COL22A1: variants seen among roughly 807,000 people sequenced by gnomAD.
COL22A1 encodes the protein collagen alpha-1(XXII) chain.
COL22A1 carries 221 observed loss-of-function variants against 248.9 expected under a neutral mutation model. The ratio of observed to expected loss-of-function variants is 0.89; its 90% confidence interval spans 0.80 to 0.99. The LOEUF (loss-of-function observed/expected upper bound fraction) is 0.99. Among genes scored for constraint, COL22A1 ranks in the 50% least tolerant of loss-of-function variants. The pLI is 0.00. For synonymous variants in COL22A1, 891 were observed against 793.4 expected (o/e 1.12, Z -2.07); for missense variants, 2,240 against 2,179.0 (o/e 1.03, Z -0.56).
At chr8:138,805,223 T>TGTGTGAGATG (rs1272240367) in intron 10 of COL22A1, among the ~76,000 whole-genome samples, 13 of 147,098 alleles carry the variant, frequency 8.8e-5, no homozygotes, top group Non-Finnish European at 1.8e-4. Flanking sequence ...TGTGTGCATG[T>TGTGTGAGATG]GTGTGAGATG....
intron 16 of COL22A1, among the ~76,000 whole-genome samples, chr8:138,764,218 G>C (rs750513712): frequency 6.6e-6 from 1 of 152,156 alleles, no homozygotes; most frequent in African/African-American, 2.4e-5. Flanking sequence ...ATTCACTGCC[G>C]CTCCCTCTGG....
At chr8:138,652,576 C>A (rs1232533379) in intron 45 of COL22A1, among the ~76,000 whole-genome samples, 1 of 152,026 alleles carries the variant, frequency 6.6e-6, no homozygotes, top group Non-Finnish European at 1.5e-5. Flanking sequence ...AAAAAAGGAT[C>A]ATTCTCCTAC....
rs180708440 is a variant in COL22A1 at position 138,600,360 on chromosome 8, G to A, written c.4186-1462C>T. ...GTAAATGTGTGGCATGGCTGAGAAC[G>A]TGACCCAGAGCCACAGAAAAGGAAA... is the stretch of plus-strand genomic sequence containing the variant. On this transcript the variant is annotated intron_variant, in intron 60 of 64. Coordinates refer to ENST00000303045, the MANE Select transcript of COL22A1 (RefSeq NM_152888.3). Among the ~76,000 whole-genome samples, 344 of 152,292 alleles carry A rather than the reference G, an allele frequency of 2.3e-3. 2 individuals are homozygous for A. Among genetic ancestry groups the A allele is most frequent in the Non-Finnish European group, 3.8e-3 (257 of 68,034 alleles).
At chr8:138,841,781 G>A (rs1820903331) in intron 4 of COL22A1, among the ~76,000 whole-genome samples, 1 of 152,128 alleles carries the variant, frequency 6.6e-6, no homozygotes, top group Non-Finnish European at 1.5e-5. Flanking sequence ...TGGGCCTGGG[G>A]GCAGCAAAGG....
At chr8:138,847,231 G>A (rs1331094573) in intron 3 of COL22A1, among the ~76,000 whole-genome samples, 1 of 152,202 alleles carries the variant, frequency 6.6e-6, no homozygotes, top group African/African-American at 2.4e-5. Context: ...GCCTTCAGCT[G>A]TTGAGCAGAA....
intron 16 of COL22A1, among the ~76,000 whole-genome samples, chr8:138,763,601 G>A (rs571335320): frequency 2.6e-5 from 4 of 152,118 alleles, no homozygotes; most frequent in South Asian, 2.1e-4. Flanking sequence ...CAAGAACTCC[G>A]TGGGGCAGAC....
chr8:138,862,877 C>G (rs964702079), intron 3 of COL22A1, among the ~76,000 whole-genome samples: 2 of 151,944 alleles, frequency 1.3e-5, no homozygotes, highest in African/African-American at 4.8e-5. Context: ...CCCAGCGTCC[C>G]CTGGTGCACT....
At chr8:138,720,085 A>T (rs1829754700) in intron 27 of COL22A1, among the ~76,000 whole-genome samples, 1 of 152,164 alleles carries the variant, frequency 6.6e-6, no homozygotes, top group Non-Finnish European at 1.5e-5. Context: ...TGGGCAAAGC[A>T]TGACCATCAA....
chr8:138,903,319 C>G (rs773016418), intron 1 of COL22A1, among the ~76,000 whole-genome samples: 1 of 152,164 alleles, frequency 6.6e-6, no homozygotes, highest in Non-Finnish European at 1.5e-5. Context: ...GGATCACCAA[C>G]GGCTTCCTGA....
chr8:138,757,248 C>T (rs1026551891), intron 18 of COL22A1, among the ~76,000 whole-genome samples: 6 of 152,210 alleles, frequency 3.9e-5, no homozygotes, highest in Non-Finnish European at 7.3e-5. Context: ...TAGACTCCCA[C>T]AAACCTTATT....
chr8:138,775,496 G>A (rs1322229780), intron 16 of COL22A1, among the ~76,000 whole-genome samples: 3 of 152,174 alleles, frequency 2.0e-5, no homozygotes, highest in African/African-American at 7.2e-5. Context: ...CACAACGTTT[G>A]GTGACTGTGG....
At chr8:138,900,442 A>C (rs1814464495) in intron 1 of COL22A1, among the ~76,000 whole-genome samples, 1 of 152,260 alleles carries the variant, frequency 6.6e-6, no homozygotes, top group Non-Finnish European at 1.5e-5. Context: ...AGACAGAAAA[A>C]GTGAGACCTG....
chr8:138,714,902 T>C (rs1438316093), intron 30 of COL22A1, among the ~76,000 whole-genome samples: 1 of 152,110 alleles, frequency 6.6e-6, no homozygotes, highest in Non-Finnish European at 1.5e-5. Context: ...TCAGGGCACA[T>C]GGGGTTTTTG....
At chr8:138,679,763 G>A in intron 39 of COL22A1, 87 bp from the exon 40 acceptor site, 1 of 1,163,666 alleles carries the variant, frequency 8.6e-7, no homozygotes, top group East Asian at 2.3e-5. Context: ...GTTAGGTACT[G>A]GATCTATGCA....
chr8:138,777,570 C>A (rs1814588115), intron 15 of COL22A1, among the ~76,000 whole-genome samples: 1 of 152,158 alleles, frequency 6.6e-6, no homozygotes, highest in African/African-American at 2.4e-5. Flanking sequence ...TCCCTGTGTC[C>A]ATGTGTTCTC....
chr8:138,703,237 G>T, intron 31 of COL22A1, 69 bp downstream of exon 31: 2 of 1,347,110 alleles, frequency 1.5e-6, no homozygotes, highest in South Asian at 1.2e-5. Context: ...AGTGGCAGTT[G>T]CTGGAGGGGG....
intron 3 of COL22A1, among the ~76,000 whole-genome samples, chr8:138,848,960 C>T (rs886320139): frequency 6.6e-6 from 1 of 152,146 alleles, no homozygotes; most frequent in African/African-American, 2.4e-5. Flanking sequence ...GCGGCCGCTG[C>T]TGAGTGCAGC....
chr8:138,643,255 C>A (rs1459024559), intron 47 of COL22A1, among the ~76,000 whole-genome samples: 1 of 152,144 alleles, frequency 6.6e-6, no homozygotes. Context: ...CTGCCCCGGG[C>A]AAATCTCTTG....
chr8:138,827,392 T>A (rs1389384150), intron 5 of COL22A1: 1 of 155,748 alleles, frequency 6.4e-6, no homozygotes, highest in Non-Finnish European at 1.4e-5. Context: ...CCTCCCACCA[T>A]GTGAGAGTAC....
Sources: gnomAD v4.1 joint callset for allele counts (sites outside exome capture counted in the v4.1 genomes callset) on GRCh38, gnomAD v4.1.1 for gene constraint, MANE v1.5 for transcripts, NCBI Gene and HGNC (gene_info 2026-07-23, HGNC 2026-07-21) for gene names.